The following ATP6V1B1 variants were observed in gnomAD, a reference collection of about 807,000 sequenced individuals.
ATP6V1B1 encodes the protein ATPase H+ transporting V1 subunit B1, also known as V-type proton ATPase subunit B, kidney isoform.
ATP6V1B1 carries 41 observed loss-of-function variants against 62.1 expected under a neutral mutation model. That is an observed-to-expected ratio of 0.66 (90% confidence interval 0.51 to 0.86). The LOEUF (loss-of-function observed/expected upper bound fraction) is 0.86, where lower values mean the gene tolerates loss of function less well. ATP6V1B1 is among the 40% of genes least tolerant of loss of function. The pLI is 0.00. For missense variants in ATP6V1B1, 651 were observed against 697.5 expected, an observed-to-expected ratio of 0.93 and a Z score of 0.75; for synonymous variants, 253 against 273.4, an observed-to-expected ratio of 0.93 and a Z score of 0.74.
chr2:70,962,042 T>G (rs930415231), intron 8 of ATP6V1B1, among the ~76,000 whole-genome samples: 1 of 110,346 alleles, frequency 9.1e-6, no homozygotes, highest in African/African-American at 3.1e-5. Flanking sequence ...AATGGGAGTT[T>G]AAATCTGGGG....
intron 1 of ATP6V1B1, 139 bp downstream of exon 1, chr2:70,936,211 G>A (rs1679850598): frequency 1.1e-6 from 1 of 879,712 alleles, no homozygotes. Flanking sequence ...TCTCTGTCCA[G>A]CAGAGTGACG....
At chr2:70,946,956 C>T (rs1553417467) in intron 2 of ATP6V1B1, among the ~76,000 whole-genome samples, 1 of 152,210 alleles carries the variant, frequency 6.6e-6, no homozygotes, top group Non-Finnish European at 1.5e-5. Context: ...CACCTCTCCC[C>T]ATCCCTCTCC....
rs145032195 is a variant in ATP6V1B1 at position 70,939,930 on chromosome 2, C to T, written c.119-3728C>T. The T allele has an allele frequency of 4.4e-3, 671 of 152,352 alleles. 12 individuals are homozygous for T. The highest frequency in any genetic ancestry group is 3.5e-3 in the Non-Finnish European group (241 of 68,046). The allele number at this position is 152,352 out of a possible 1,614,324, so 9.4% of individuals were successfully genotyped here. On this transcript the variant is annotated intron_variant, in intron 1 of 13. Transcript: ENST00000234396. ...CACCCAGAGCCAGGCCTGGAGGCTG[C>T]GAGAAGCCCAGGAAGGCAACTCACA...
chr2:70,941,621 TGTAGGCAC>T, intron 1 of ATP6V1B1: 1 of 831,104 alleles, frequency 1.2e-6, no homozygotes, highest in Non-Finnish European at 1.5e-6. Context: ...TCTTTTAGCC[TGTAGGCAC>T]TTCACATTTT....
intron 2 of ATP6V1B1, among the ~76,000 whole-genome samples, chr2:70,950,457 T>G (rs566761030): frequency 6.6e-6 from 1 of 152,014 alleles, no homozygotes; most frequent in African/African-American, 2.4e-5. Flanking sequence ...TGTTCTTCAT[T>G]GTTTAGGACT....
intron 2 of ATP6V1B1, chr2:70,944,106 T>A: frequency 1.6e-6 from 2 of 1,280,248 alleles, no homozygotes; most frequent in Non-Finnish European, 2.0e-6. Flanking sequence ...CACCCTCGAC[T>A]CTCACAGGAT....
chr2:70,938,776 G>T (rs573864239), intron 1 of ATP6V1B1: 1 of 985,416 alleles, frequency 1.0e-6, no homozygotes, highest in Admixed American at 6.1e-5. Flanking sequence ...TGTTTGGGCA[G>T]AAGATGTTGG....
At chr2:70,938,428 G>A in intron 1 of ATP6V1B1, 3 of 489,840 alleles carry the variant, frequency 6.1e-6, no homozygotes, top group Non-Finnish European at 8.0e-6. Flanking sequence ...TCCCAGACAG[G>A]AGAACTCTGG....
Position 70,943,700 on chromosome 2 carries a change from T to G in ATP6V1B1, c.161T>G (p.Leu54Arg). ...AGCGTGAACGGGCCCCTGGTGGTGC[T>G]GGACCGGGTCAAGGTAAGACTCTTC... Reference protein sequence around the residue: ...VCSVNGPLVVLDRVKFAQYAE... With the variant: ...VCSVNGPLVVRDRVKFAQYAE... The change falls in exon 2 of 14, where the codon CTG (leucine) becomes CGG (arginine). Residue 54 changes from leucine (L) to arginine (R), a missense_variant. Physicochemically the swap from Leu to Arg is moderately radical, Grantham distance 102. Transcript: ENST00000234396. 6.2e-7 allele frequency: 1 copy of G among 1,613,812 alleles called. No individual in the cohort carries two copies. Among genetic ancestry groups the G allele is most frequent in the Non-Finnish European group, 8.5e-7 (1 of 1,179,964 alleles).
In ATP6V1B1 at chr2:70,964,447, C is replaced by G. The variant is rs782313877; in HGVS notation, c.1153C>G (p.Pro385Ala). 7 of 1,614,008 alleles carry G rather than the reference C, an allele frequency of 4.3e-6. No homozygotes were observed. Among genetic ancestry groups the G allele is most frequent in the South Asian group, 3.3e-5 (3 of 91,082 alleles). ...TTTTCTTCTCCCTCAGATCTACCCC[C>G]CCATCAACGTGCTCCCTTCCCTGTC... ...RQLHNRQIYPPINVLPSLSRL... is the reference protein window; with the variant it reads ...RQLHNRQIYPAINVLPSLSRL... Residue 385 changes from proline to alanine, a missense_variant, in exon 12 of 14, where the codon CCC becomes GCC. Transcript: ENST00000234396.
chr2:70,958,180 C>T (rs1553419402), intron 3 of ATP6V1B1, 36 bp downstream of exon 3: 2 of 1,605,842 alleles, frequency 1.2e-6, no homozygotes, highest in Non-Finnish European at 1.7e-6. Context: ...CTAGTTAAAT[C>T]AATGAATTAA....
At chr2:70,964,349 G>A in intron 11 of ATP6V1B1, 89 bp from the exon 12 acceptor site, 2 of 1,366,532 alleles carry the variant, frequency 1.5e-6, no homozygotes, top group Non-Finnish European at 2.1e-6. Flanking sequence ...TGTAGGATAA[G>A]TGAGGAGCTT....
At chr2:70,941,196 G>A (rs782378163) in intron 1 of ATP6V1B1, 5 of 896,698 alleles carry the variant, frequency 5.6e-6, no homozygotes, top group Non-Finnish European at 5.3e-6. Flanking sequence ...GGGATTACAG[G>A]TGTGAGCCAC....
intron 13 of ATP6V1B1, 23 bp downstream of exon 13, chr2:70,964,888 A>C: frequency 8.1e-6 from 13 of 1,613,964 alleles, no homozygotes; most frequent in Non-Finnish European, 1.1e-5. Flanking sequence ...GCTGGTGTGG[A>C]GCCAGTAACC....
intron 1 of ATP6V1B1, chr2:70,942,130 C>A: frequency 1.3e-6 from 1 of 788,734 alleles, no homozygotes; most frequent in Non-Finnish European, 1.7e-6. Flanking sequence ...CCCATGGAGT[C>A]ATCTCTAGGG....
intron 2 of ATP6V1B1, among the ~76,000 whole-genome samples, chr2:70,949,781 G>A (rs1257435286): frequency 1.3e-5 from 2 of 152,134 alleles, no homozygotes; most frequent in East Asian, 1.9e-4. Flanking sequence ...ATTGCTCACA[G>A]GCTATCTTTT....
chr2:70,964,817 C>T lies in ATP6V1B1; in HGVS notation c.1330C>T (p.Leu444Phe). ...GEEALTSEDL[L>F]YLEFLQKFEK... is the part of the protein sequence containing the mutation. Reference sequence around the variant, plus strand: ...GGAGGCGCTCACCTCTGAGGACCTGCTCTACCTGGAATTCCTGCAGAAGTT... The same window carrying T: ...GGAGGCGCTCACCTCTGAGGACCTGTTCTACCTGGAATTCCTGCAGAAGTT... Residue 444 changes from leucine to phenylalanine, a missense_variant, in exon 13 of 14, where the codon CTC becomes TTC. Leu to Phe is a conservative substitution (Grantham distance 22). Transcript: ENST00000234396. 2 of 1,614,050 alleles carry T rather than the reference C, an allele frequency of 1.2e-6. No individual in the cohort carries two copies. The highest frequency in any genetic ancestry group is 1.7e-6 in the Non-Finnish European group (2 of 1,180,042).
chr2:70,942,022 G>T, intron 1 of ATP6V1B1: 1 of 1,085,072 alleles, frequency 9.2e-7, no homozygotes, highest in Non-Finnish European at 1.1e-6. Context: ...CTGGGACTGA[G>T]CGAGGTTTAT....
Position 70,936,544 on chromosome 2 carries a change from C to T in ATP6V1B1, c.118+472C>T, listed in dbSNP as rs115344329. Among the ~76,000 whole-genome samples, 311 of 152,086 alleles carry T rather than the reference C, an allele frequency of 2.0e-3. 1 individual carries two copies. Among genetic ancestry groups the T allele is most frequent in the Non-Finnish European group, 3.7e-3 (254 of 67,992 alleles). On this transcript the variant is annotated intron_variant, in intron 1 of 13. Coordinates refer to ENST00000234396, the MANE Select transcript of ATP6V1B1 (RefSeq NM_001692.4). ...CCTGAGGAAATAGGTGCCCCGTGTG[C>T]GTCACATCAATGGGTGCATGTCGTA...
Sources: allele counts gnomAD v4.1 joint callset (sites outside exome capture counted in the v4.1 genomes callset), GRCh38; gene constraint gnomAD v4.1.1; transcripts MANE v1.5; gene names NCBI Gene and HGNC (gene_info 2026-07-23, HGNC 2026-07-21).